Variants in SPC25 observed in about 807,000 individuals in gnomAD.
The protein encoded by SPC25 is SPC25 component of NDC80 kinetochore complex.
In SPC25, 22 loss-of-function variants were observed where a neutral mutation model predicts 29.6. The ratio of observed to expected loss-of-function variants is 0.74; its 90% CI spans 0.53 to 1.06. The LOEUF (loss-of-function observed/expected upper bound fraction) is 1.06, where lower values mean the gene tolerates loss of function less well. Among genes scored for constraint, SPC25 ranks in the 50% least tolerant of loss-of-function variants. The pLI is 0.00. For missense variants in SPC25, 230 were observed against 255.8 expected, an observed-to-expected ratio of 0.90 and a Z score of 0.69; for synonymous variants, 91 against 90.4, an observed-to-expected ratio of 1.01 and a Z score of -0.04.
chr2:168,877,217 T>C (rs769230117), intron 4 of SPC25, 21 bp downstream of exon 4: 2 of 1,609,092 alleles, frequency 1.2e-6, no homozygotes, highest in Non-Finnish European at 8.5e-7. Context: ...TAGATCAGTA[T>C]GTTTATAAGA....
chr2:168,868,224 T>C (rs562198454), downstream of SPC25, among the ~76,000 whole-genome samples: 42 of 152,360 alleles, frequency 2.8e-4, no homozygotes, highest in South Asian at 7.7e-3. Context: ...GGGAAATTTA[T>C]AGCACTAAAT....
chr2:168,871,858 T>C (rs543817598), intron 6 of SPC25, among the ~76,000 whole-genome samples: 13 of 152,066 alleles, frequency 8.5e-5, no homozygotes, highest in East Asian at 1.9e-4. Context: ...CTTAAACTTA[T>C]ATATTTTGTT....
At chr2:168,861,851 A>G in intron 4 of SPC25, 1 of 997,364 alleles carries the variant, frequency 1.0e-6, no homozygotes, top group South Asian at 1.6e-5. Flanking sequence ...TTTGAGAAAA[A>G]TTTAATATAT....
chr2:168,888,972 T>TAG lies in SPC25; in HGVS notation c.199+253_199+254insCT. Among the ~76,000 whole-genome samples the TAG allele has an allele frequency of 1.9e-5, 2 of 103,280 alleles. 1 individual carries two copies. Among genetic ancestry groups the TAG allele is most frequent in the South Asian group, 6.4e-4 (2 of 3,136 alleles). 67.8% of individuals were successfully genotyped at this position (103,280 alleles called of 152,430 possible). On this transcript the variant is annotated intron_variant, in intron 3 of 6. Coordinates refer to ENST00000282074, the MANE Select transcript of SPC25 (RefSeq NM_020675.4). ...GTGTGTGTGTGTATATATATATATA[T>TAG]ACACACACACATATATATGTATATA...
At chr2:168,864,156 C>T (rs537864213) in intron 4 of SPC25, among the ~76,000 whole-genome samples, 4 of 151,554 alleles carry the variant, frequency 2.6e-5, no homozygotes, top group South Asian at 4.2e-4. Context: ...TTAGTAGAGA[C>T]GGGGTTTCAC....
chr2:168,880,748 A>G (rs570905301), intron 3 of SPC25, among the ~76,000 whole-genome samples: 8 of 152,220 alleles, frequency 5.3e-5, no homozygotes, highest in Non-Finnish European at 1.0e-4. Flanking sequence ...AGGGTTATTA[A>G]TTGGCCTAAT....
At chr2:168,863,920 T>A (rs1689666184) in intron 4 of SPC25, among the ~76,000 whole-genome samples, 1 of 152,078 alleles carries the variant, frequency 6.6e-6, no homozygotes, top group African/African-American at 2.4e-5. Context: ...TTTTTTTATT[T>A]TTTTTTTTGA....
In SPC25 at chr2:168,873,639, G is replaced by T; in HGVS notation, c.496C>A (p.Pro166Thr). The part of the protein sequence containing the change: ...FIFTNIDPKN[P>T]ESPFMFSLHL... Reference sequence around the variant, plus strand: ...AAGGAAAACATAAATGGGCTCTCAGGATTCTTAGGGTCAATATTAGTGAAA... The same window carrying T: ...AAGGAAAACATAAATGGGCTCTCAGTATTCTTAGGGTCAATATTAGTGAAA... Residue 166 changes from proline to threonine, a missense_variant, in exon 6 of 7, where the codon CCT (proline) becomes ACT (threonine). Transcript: ENST00000282074. 6.2e-7 allele frequency: 1 copy of T among 1,611,674 alleles called. No homozygotes were observed. The highest frequency in any genetic ancestry group is 1.1e-5 in the South Asian group (1 of 91,018).
chr2:168,876,281 C>G, intron 4 of SPC25, 105 bp from the exon 5 acceptor site: 1 of 784,756 alleles, frequency 1.3e-6, no homozygotes, highest in Non-Finnish European at 1.9e-6. Context: ...TGATGCCAAG[C>G]CTATAAATCT....
chr2:168,864,960 C>A, intron 4 of SPC25: 1 of 1,614,024 alleles, frequency 6.2e-7, no homozygotes, highest in Non-Finnish European at 8.5e-7. Flanking sequence ...AACACAGCTA[C>A]AAAGGCATAA....
At chr2:168,864,691 C>T (rs1689743540) in intron 4 of SPC25, 3 of 809,620 alleles carry the variant, frequency 3.7e-6, no homozygotes, top group Non-Finnish European at 5.9e-6. Flanking sequence ...GTGTTCGATA[C>T]ATTTGGCTTC....
chr2:168,863,561 T>C, intron 4 of SPC25: 1 of 985,334 alleles, frequency 1.0e-6, no homozygotes, highest in Non-Finnish European at 1.2e-6. Context: ...TTTATTTGAA[T>C]CATTGCTTTA....
chr2:168,876,106 T>C lies in SPC25; in HGVS notation c.417A>G (p.Lys139=), dbSNP rs139043717. Residue 139 remains lysine, a synonymous_variant, in exon 5 of 7, where the codon AAA becomes AAG. Coordinates refer to ENST00000282074, the MANE Select transcript of SPC25 (RefSeq NM_020675.4). Reference sequence around the variant, plus strand: ...TTCGAATTTCTAGTCCAAGTCGATCTTTATACAAGTCTGCAGATTTCTGCA... The same window carrying C: ...TTCGAATTTCTAGTCCAAGTCGATCCTTATACAAGTCTGCAGATTTCTGCA... ...KRLQKSADLY[K]DRLGLEIRKI... 283 of 1,561,082 alleles carry C rather than the reference T, an allele frequency of 1.8e-4. 1 individual carries two copies. In the East Asian group the frequency reaches 5.3e-3, roughly 29 times the overall value.
intron 3 of SPC25, among the ~76,000 whole-genome samples, chr2:168,879,303 C>A (rs1690136613): frequency 6.6e-6 from 1 of 152,238 alleles, no homozygotes; most frequent in Non-Finnish European, 1.5e-5. Context: ...AGTCAGTCTT[C>A]TCAAACCCTG....
chr2:168,888,200 C>T (rs1411731952), intron 3 of SPC25, among the ~76,000 whole-genome samples: 4 of 152,080 alleles, frequency 2.6e-5, no homozygotes, highest in Admixed American at 6.5e-5. Flanking sequence ...TCACTTGAGC[C>T]GAGGAGGTCG....
intron 5 of SPC25, 85 bp from the exon 6 acceptor site, chr2:168,873,768 TGCTAA>T (rs1411024224): frequency 2.4e-6 from 2 of 839,040 alleles, no homozygotes. Context: ...ATATCTGCAC[TGCTAA>T]GTATATACAG....
Position 168,889,060 on chromosome 2 carries a change from T to TATATAC in SPC25, c.199+165_199+166insGTATAT, listed in dbSNP as rs1447536060. Reference sequence around the variant, plus strand: ...ATATATATATACACATATATATACATATATATATACACATATATATACATA... The same window carrying TATATAC: ...ATATATATATACACATATATATACATATATACATATATATACACATATATATACATA... On this transcript the variant is annotated intron_variant, in intron 3 of 6. Transcript: ENST00000282074. Among the ~76,000 whole-genome samples, 45 of 53,100 alleles carry TATATAC rather than the reference T, an allele frequency of 8.5e-4. 1 individual carries two copies. The highest frequency in any genetic ancestry group is 2.5e-3 in the African/African-American group (41 of 16,580). The allele number at this position is 53,100 out of a possible 152,430, so 34.8% of individuals were successfully genotyped here. A position where few individuals can be genotyped will look rare whatever the true frequency, so the allele number is the denominator to read the frequency against.
chr2:168,866,565 G>A (rs1194079824), downstream of SPC25, among the ~76,000 whole-genome samples: 24 of 148,520 alleles, frequency 1.6e-4, no homozygotes, highest in South Asian at 4.2e-4. Flanking sequence ...ACATAGGCAT[G>A]GGCAAGGATT....
chr2:168,885,914 A>G (rs1559157323), intron 3 of SPC25, among the ~76,000 whole-genome samples: 1 of 152,218 alleles, frequency 6.6e-6, no homozygotes, highest in Non-Finnish European at 1.5e-5. Context: ...CAAAGAGCTT[A>G]GAACAGGGCT....
Sources: allele counts gnomAD v4.1 joint callset (sites outside exome capture counted in the v4.1 genomes callset), GRCh38; gene constraint gnomAD v4.1.1; transcripts MANE v1.5; gene names NCBI Gene and HGNC (gene_info 2026-07-23, HGNC 2026-07-21).